SLIT3: variants seen among roughly 807,000 people sequenced by gnomAD.
SLIT3 encodes slit homolog 3 protein.
SLIT3 carries 68 observed loss-of-function variants against 184.0 expected under a neutral mutation model. The ratio of observed to expected loss-of-function variants is 0.37; its 90% confidence interval spans 0.30 to 0.45. The LOEUF (loss-of-function observed/expected upper bound fraction) is 0.45. SLIT3 is among the 20% of genes least tolerant of loss of function. SLIT3 has a pLI of 1.00. For missense variants in SLIT3, 1,707 were observed against 2,026.0 expected (o/e 0.84, Z 3.02); for synonymous variants, 831 against 828.6 (o/e 1.00, Z -0.05).
At chr5:168,761,762 C>T (rs563932845) in intron 15 of SLIT3, among the ~76,000 whole-genome samples, 8 of 151,786 alleles carry the variant, frequency 5.3e-5, no homozygotes, top group African/African-American at 1.7e-4. Context: ...TTCCAGATAC[C>T]GGGTCTCACT....
chr5:169,206,976 G>A (rs1340800765), intron 3 of SLIT3, among the ~76,000 whole-genome samples: 1 of 151,384 alleles, frequency 6.6e-6, no homozygotes, highest in Non-Finnish European at 1.5e-5. Flanking sequence ...AGGGAGCTGG[G>A]TAAAAGGGGG....
chr5:169,299,733 A>C (rs1369935031), intron 1 of SLIT3, among the ~76,000 whole-genome samples: 1 of 152,204 alleles, frequency 6.6e-6, no homozygotes, highest in African/African-American at 2.4e-5. Context: ...ACTAGGGTCA[A>C]TCCACCCCAT....
intron 22 of SLIT3, 138 bp downstream of exon 22, chr5:168,722,795 G>A (rs574868805): frequency 1.6e-5 from 11 of 705,822 alleles, no homozygotes; most frequent in South Asian, 1.5e-4. Context: ...GATGATTAAG[G>A]TGTATCTTAT....
intron 4 of SLIT3, among the ~76,000 whole-genome samples, chr5:168,911,564 A>G (rs1030929021): frequency 1.3e-5 from 2 of 152,242 alleles, no homozygotes; most frequent in African/African-American, 2.4e-5. Context: ...ATGAAAATAC[A>G]TACATGCATT....
At position 168,920,034 on chromosome 5, in the gene SLIT3, A is replaced by T. The variant is rs561091968; in HGVS notation, c.414-36698T>A. ...AAATCAAGCGAGGTTTTGGGTTTCT[A>T]CTACGTGGAAGTGAGTGTTTATTTT... On this transcript the variant is annotated intron_variant, in intron 4 of 35. Transcript: ENST00000519560. Among the ~76,000 whole-genome samples, 8 of 152,318 alleles carry T rather than the reference A, an allele frequency of 5.3e-5. No individual in the cohort carries two copies. In the East Asian group the frequency reaches 1.3e-3, roughly 26 times the overall value.
At chr5:169,165,243 A>G (rs999015882) in intron 4 of SLIT3, among the ~76,000 whole-genome samples, 5 of 152,246 alleles carry the variant, frequency 3.3e-5, no homozygotes, top group Admixed American at 6.5e-5. Context: ...GGCTGCATGC[A>G]TAAGAGAATT....
At chr5:168,693,765 T>C (rs1161702824) in intron 28 of SLIT3, among the ~76,000 whole-genome samples, 1 of 152,028 alleles carries the variant, frequency 6.6e-6, no homozygotes, top group Non-Finnish European at 1.5e-5. Context: ...AGCCCCTAAG[T>C]CTGTTCTTTG....
chr5:168,852,942 T>G (rs534872865), intron 5 of SLIT3, among the ~76,000 whole-genome samples: 1 of 152,228 alleles, frequency 6.6e-6, no homozygotes, highest in African/African-American at 2.4e-5. Flanking sequence ...CAAGTAATAT[T>G]AAATTTAGGA....
rs1035751073 is a variant in SLIT3 at position 169,300,125 on chromosome 5, C to T, written c.197+388G>A. ...CCTCCGCGCCTTGACGGCCCATCATCCTATAGCTTTCTCCTTCGCCCGCCC... is the reference window on the plus strand; with the variant it reads ...CCTCCGCGCCTTGACGGCCCATCATTCTATAGCTTTCTCCTTCGCCCGCCC... On this transcript the variant is annotated intron_variant, in intron 1 of 35. Coordinates refer to ENST00000519560, the MANE Select transcript of SLIT3 (RefSeq NM_003062.4). The surrounding 1 kb of genome is among the most constrained non-coding windows in gnomAD (Gnocchi z 4.1). Among the ~76,000 whole-genome samples the T allele has an allele frequency of 2.6e-5, 4 of 152,264 alleles. 1 individual carries two copies. Among genetic ancestry groups the T allele is most frequent in the Admixed American group, 2.0e-4 (3 of 15,294 alleles).
intron 4 of SLIT3, among the ~76,000 whole-genome samples, chr5:169,110,058 G>A (rs189574705): frequency 6.6e-6 from 1 of 152,284 alleles, no homozygotes; most frequent in Admixed American, 6.5e-5. Flanking sequence ...ATGTTGGCCA[G>A]GCTTGTCTTG....
chr5:169,113,549 C>T (rs1760523467), intron 4 of SLIT3, among the ~76,000 whole-genome samples: 2 of 152,060 alleles, frequency 1.3e-5, no homozygotes, highest in African/African-American at 4.8e-5. Context: ...GTACAAATAC[C>T]ATTCGATCCT....
Position 168,760,903 on chromosome 5 carries a change from C to T in SLIT3, c.1644G>A (p.Glu548=). ...GCAACTTCTTGAAGATGCCAGTGGC[C>T]TCCAGAACAGATACCTCATTGTCAT... ...RLNDNEVSVL[E]ATGIFKKLPN... is the part of the protein sequence containing the mutation. Residue 548 remains glutamate (E), a synonymous_variant, in exon 16 of 36, where the codon GAG becomes GAA. Transcript: ENST00000519560. 1 of 1,614,060 alleles carries T rather than the reference C, an allele frequency of 6.2e-7. No homozygotes were observed. The highest frequency in any genetic ancestry group is 2.2e-5 in the East Asian group (1 of 44,876).
At chr5:168,739,581 A>C (rs1447170095) in intron 20 of SLIT3, among the ~76,000 whole-genome samples, 1 of 151,338 alleles carries the variant, frequency 6.6e-6, no homozygotes, top group Admixed American at 6.6e-5. Flanking sequence ...CACCCTCCCA[A>C]GTAGCTGGGA....
At chr5:168,852,151 C>T (rs756363806) in intron 5 of SLIT3, among the ~76,000 whole-genome samples, 1 of 152,198 alleles carries the variant, frequency 6.6e-6, no homozygotes, top group Non-Finnish European at 1.5e-5. Context: ...TCCCTAGTTA[C>T]ACTCTTGAGC....
At chr5:168,873,721 ACTC>A (rs1178646401) in intron 5 of SLIT3, among the ~76,000 whole-genome samples, 1 of 151,884 alleles carries the variant, frequency 6.6e-6, no homozygotes, top group Non-Finnish European at 1.5e-5. Context: ...TCCCTCCTGG[ACTC>A]CTCACTAGTA....
At chr5:168,763,584 G>C (rs1054596518) in intron 14 of SLIT3, among the ~76,000 whole-genome samples, 11 of 152,106 alleles carry the variant, frequency 7.2e-5, no homozygotes, top group African/African-American at 2.7e-4. Flanking sequence ...TCCCGAAGTT[G>C]CACAGTAATG....
rs547592524 is a variant in SLIT3 at position 169,081,033 on chromosome 5, C to A, written c.413+112446G>T. Among the ~76,000 whole-genome samples the A allele has an allele frequency of 9.8e-5, 15 of 152,324 alleles. No individual in the cohort carries two copies. The South Asian group carries it at 3.1e-3, about 32-fold the overall frequency. ...AGAGCACTGTGGCTGCCCCCGCCCC[C>A]CTTCCCCAGGGCTCCCCGCTCCAGC... is the stretch of plus-strand genomic sequence containing the variant. On this transcript the variant is annotated intron_variant, in intron 4 of 35. Coordinates refer to ENST00000519560, the MANE Select transcript of SLIT3 (RefSeq NM_003062.4).
intron 4 of SLIT3, among the ~76,000 whole-genome samples, chr5:169,119,333 G>T (rs565351711): frequency 9.8e-5 from 15 of 152,322 alleles, no homozygotes; most frequent in South Asian, 4.1e-4. Flanking sequence ...ATGAGTTTCT[G>T]ATCTTCATGA....
intron 6 of SLIT3, among the ~76,000 whole-genome samples, chr5:168,823,874 G>A (rs1043078145): frequency 6.6e-6 from 1 of 152,210 alleles, no homozygotes; most frequent in Non-Finnish European, 1.5e-5. Flanking sequence ...CCCATTGCAT[G>A]TGTTGCCTCG....
Sources: allele counts gnomAD v4.1 joint callset (sites outside exome capture counted in the v4.1 genomes callset), GRCh38; gene constraint gnomAD v4.1.1; non-coding constraint Gnocchi (gnomAD v3.1); transcripts MANE v1.5; gene names NCBI Gene and HGNC (gene_info 2026-07-23, HGNC 2026-07-21).